Variants in UNC79 observed in about 807,000 individuals in gnomAD.
UNC79 encodes the protein protein unc-79 homolog.
A neutral mutation model predicts 283.1 loss-of-function variants in UNC79; 37 were observed. The ratio of observed to expected loss-of-function variants is 0.13; its 90% CI spans 0.10 to 0.17. The LOEUF is 0.17. UNC79 is among the 10% of genes least tolerant of loss of function. The pLI is 1.00. For missense variants in UNC79, 2,272 were observed against 3,211.1 expected (o/e 0.71, Z 7.07); for synonymous variants, 1,107 against 1,200.2 (o/e 0.92, Z 1.61).
chr14:93,419,276 G>T (rs1337141085), intron 1 of UNC79, among the ~76,000 whole-genome samples: 1 of 150,214 alleles, frequency 6.7e-6, no homozygotes, highest in East Asian at 2.0e-4. Flanking sequence ...TCAAGCAGTT[G>T]TTCTGACTCA....
At chr14:93,470,194 T>C (rs1224327032) in intron 2 of UNC79, among the ~76,000 whole-genome samples, 2 of 152,210 alleles carry the variant, frequency 1.3e-5, no homozygotes, top group East Asian at 3.8e-4. Context: ...GGTTAAAATA[T>C]GCAACTTGAA....
intron 33 of UNC79, among the ~76,000 whole-genome samples, chr14:93,642,892 G>C (rs1470730426): frequency 1.3e-5 from 2 of 152,128 alleles, no homozygotes; most frequent in Admixed American, 1.3e-4. Flanking sequence ...GGCTTTGGTC[G>C]TGTTGAATGA....
At chr14:93,405,011 G>T (rs927100180) in intron 1 of UNC79, among the ~76,000 whole-genome samples, 8 of 151,986 alleles carry the variant, frequency 5.3e-5, no homozygotes, top group African/African-American at 1.9e-4. Context: ...AGTCGGGAGG[G>T]GTGGTTCATG....
At chr14:93,418,916 G>A (rs967916527) in intron 1 of UNC79, among the ~76,000 whole-genome samples, 2 of 151,822 alleles carry the variant, frequency 1.3e-5, no homozygotes, top group African/African-American at 2.4e-5. Context: ...TTTTCCAGGT[G>A]CCATCTGTCA....
chr14:93,553,606 G>C (rs968809103), intron 14 of UNC79, among the ~76,000 whole-genome samples: 1 of 152,176 alleles, frequency 6.6e-6, no homozygotes, highest in African/African-American at 2.4e-5. Context: ...GGGAAATCTG[G>C]TCATTTCTGT....
intron 1 of UNC79, among the ~76,000 whole-genome samples, chr14:93,396,363 A>G (rs557179771): frequency 3.3e-5 from 5 of 152,186 alleles, no homozygotes; most frequent in African/African-American, 9.6e-5. Context: ...AGTTCTTTGA[A>G]TATATTTAAA....
chr14:93,631,727 T>C (rs866432196), intron 31 of UNC79, among the ~76,000 whole-genome samples: 4 of 152,256 alleles, frequency 2.6e-5, no homozygotes, highest in Middle Eastern at 3.2e-3. Context: ...ATAAAGATCT[T>C]AAATACTGGA....
chr14:93,351,398 A>T lies in UNC79; in HGVS notation c.-351+17875A>T, dbSNP rs540247682. 3.9e-5 allele frequency among the ~76,000 whole-genome samples: 6 copies of T among 152,278 alleles called. No homozygotes were observed. In the South Asian group the frequency reaches 1.2e-3, roughly 32 times the overall value. ...TTTTGAACCTTTTAACATCTTTAAT[A>T]AATATTCTTGAAATAAAAAATAAAT... On this transcript the variant is annotated intron_variant, in intron 1 of 49. Coordinates refer to the UNC79 transcript ENST00000256339.
chr14:93,417,120 T>C (rs955501994), intron 1 of UNC79, among the ~76,000 whole-genome samples: 8 of 152,322 alleles, frequency 5.3e-5, no homozygotes, highest in African/African-American at 1.9e-4. Flanking sequence ...CTAGCCTCGA[T>C]GGTCTTTACA....
chr14:93,655,656 AAAAAAC>A, intron 38 of UNC79, among the ~76,000 whole-genome samples: 1 of 151,722 alleles, frequency 6.6e-6, no homozygotes, highest in African/African-American at 2.4e-5. Context: ...AAAAAAAAAA[AAAAAAC>A]AAAAAAACAG....
intron 27 of UNC79, among the ~76,000 whole-genome samples, chr14:93,615,410 A>G (rs566905656): frequency 6.6e-6 from 1 of 152,136 alleles, no homozygotes; most frequent in African/African-American, 2.4e-5. Flanking sequence ...CACATTATGC[A>G]TGTCTACTTT....
At chr14:93,379,051 G>C (rs936635700) in intron 1 of UNC79, among the ~76,000 whole-genome samples, 8 of 152,132 alleles carry the variant, frequency 5.3e-5, no homozygotes, top group Non-Finnish European at 2.9e-5. Context: ...GAGTATAAGA[G>C]AGTCAAGTTA....
intron 35 of UNC79, among the ~76,000 whole-genome samples, chr14:93,652,942 G>A (rs1443559455): frequency 6.6e-6 from 1 of 152,056 alleles, no homozygotes; most frequent in East Asian, 1.9e-4. Context: ...TTGTAAGTTC[G>A]GCGTTATTTT....
At chr14:93,442,515 T>C (rs1269864195) in intron 1 of UNC79, among the ~76,000 whole-genome samples, 1 of 152,210 alleles carries the variant, frequency 6.6e-6, no homozygotes, top group Non-Finnish European at 1.5e-5. Flanking sequence ...AGGCCTTATT[T>C]TGAAATGTTA....
chr14:93,515,887 CT>C (rs59035351), intron 7 of UNC79, among the ~76,000 whole-genome samples: 113 of 149,296 alleles, frequency 7.6e-4, no homozygotes, highest in African/African-American at 1.1e-3. Context: ...TGAAATTTAT[CT>C]TTTTTTTTTC....
chr14:93,455,111 A>C (rs2056758466), intron 1 of UNC79, among the ~76,000 whole-genome samples: 1 of 152,204 alleles, frequency 6.6e-6, no homozygotes, highest in Non-Finnish European at 1.5e-5. Flanking sequence ...AAGTATGCAA[A>C]TATTTGGAAG....
intron 2 of UNC79, among the ~76,000 whole-genome samples, chr14:93,470,457 GT>G (rs1362427508): frequency 6.6e-6 from 1 of 152,172 alleles, no homozygotes; most frequent in Non-Finnish European, 1.5e-5. Flanking sequence ...TCAAATTTGT[GT>G]TCATGGGCAT....
At chr14:93,364,537 G>C (rs1325643319) in intron 1 of UNC79, among the ~76,000 whole-genome samples, 1 of 149,914 alleles carries the variant, frequency 6.7e-6, no homozygotes, top group African/African-American at 2.5e-5. Context: ...GGGTGTTTTA[G>C]ATGTGGGAAA....
upstream of UNC79, among the ~76,000 whole-genome samples, chr14:93,428,261 T>C (rs1174978773): frequency 6.6e-6 from 1 of 152,078 alleles, no homozygotes; most frequent in Non-Finnish European, 1.5e-5. Context: ...GCAAGCAGGA[T>C]GGGAAAATCC....
Sources: gnomAD v4.1 joint callset for allele counts (sites outside exome capture counted in the v4.1 genomes callset) on GRCh38, gnomAD v4.1.1 for gene constraint, MANE v1.5 for transcripts, NCBI Gene and HGNC (gene_info 2026-07-23, HGNC 2026-07-21) for gene names.